CORO7: variants seen among roughly 807,000 people sequenced by gnomAD.
The protein encoded by CORO7 is coronin-7.
A neutral mutation model predicts 126.6 loss-of-function variants in CORO7; 107 were observed. The observed-to-expected ratio is 0.85, with a 90% CI of 0.72 to 0.99. The LOEUF is 0.99. CORO7 is among the 50% of genes least tolerant of loss of function. The pLI, the probability that CORO7 is intolerant of heterozygous loss-of-function variation, is 0.00. For synonymous variants in CORO7, 603 were observed against 536.8 expected (o/e 1.12, Z -1.70); for missense variants, 1,314 against 1,255.8 (o/e 1.05, Z -0.70).
At chr16:4,388,193 G>A (rs2055263496) in intron 8 of CORO7, 125 bp from the exon 9 acceptor site, 1 of 1,262,508 alleles carries the variant, frequency 7.9e-7, no homozygotes, top group Non-Finnish European at 1.1e-6. Context: ...AGCAGGGCTT[G>A]GAGTGGGGGT....
intron 23 of CORO7, chr16:4,358,740 G>A: frequency 2.4e-6 from 1 of 412,322 alleles, no homozygotes. Flanking sequence ...CCTGAATGTG[G>A]TGTTGGGAAG....
At chr16:4,365,572 G>A in intron 9 of CORO7, 27 bp from the exon 10 acceptor site, 1 of 1,564,996 alleles carries the variant, frequency 6.4e-7, no homozygotes, top group South Asian at 1.2e-5. Flanking sequence ...AAGATGGCGG[G>A]TCAGGGCAGT....
At position 4,357,232 on chromosome 16, in the gene CORO7, G is replaced by A. The variant is rs1303112289; in HGVS notation, c.2621C>T (p.Ala874Val). The A allele has an allele frequency of 1.2e-6, 2 of 1,613,782 alleles. No individual in the cohort carries two copies. The highest frequency in any genetic ancestry group is 1.7e-6 in the Non-Finnish European group (2 of 1,179,934). The change falls in exon 26 of 28, where the codon GCT becomes GTT. Residue 874 changes from alanine (A) to valine (V), a missense_variant. Ala to Val is a moderately conservative substitution (Grantham distance 64). Transcript: ENST00000251166. ...PVSQAPREAP[A>V]RRAPSSAQYL... The stretch of plus-strand genomic sequence containing the variant: ...CTGCGCTGAGGATGGGGCCCGACGA[G>A]CAGGGGCCTCTCGGGGGGCTTGGCT...
intron 14 of CORO7, among the ~76,000 whole-genome samples, chr16:4,364,017 C>T (rs1406622181): frequency 6.6e-6 from 1 of 151,864 alleles, no homozygotes; most frequent in Non-Finnish European, 1.5e-5. Context: ...GAAACTCTGT[C>T]TCAAAAAATA....
In CORO7 at chr16:4,362,132, C is replaced by T; in HGVS notation, c.1431G>A (p.Gln477=). 1 of 1,609,396 alleles carries T rather than the reference C, an allele frequency of 6.2e-7. No individual in the cohort carries two copies. Among genetic ancestry groups the T allele is most frequent in the South Asian group, 1.1e-5 (1 of 90,902 alleles). The part of the protein sequence containing the change: ...LGPSSKFRHA[Q]GTVLHRDSHI... ...GGCTGTCTCGGTGCAGGACAGTGCC[C>T]TGAGCATGGCGGAACTTGGAACTGG... The change falls in exon 16 of 28, where the codon CAG becomes CAA. Residue 477 remains glutamine, a synonymous_variant. Transcript: ENST00000251166. This position sits in a 1 kb window ranked among gnomAD's most constrained non-coding sequence, Gnocchi z 5.3.
intron 6 of CORO7, among the ~76,000 whole-genome samples, chr16:4,402,620 C>T (rs1567297474): frequency 1.3e-5 from 2 of 152,146 alleles, no homozygotes; most frequent in Admixed American, 6.5e-5. Context: ...GGGCTAAGGG[C>T]GGAACTCACA....
chr16:4,357,762 T>C lies in CORO7; in HGVS notation c.2593+206A>G, dbSNP rs2054025720. On this transcript the variant is annotated intron_variant, in intron 25 of 27. Coordinates refer to ENST00000251166, the MANE Select transcript of CORO7 (RefSeq NM_024535.5). The stretch of plus-strand genomic sequence containing the variant: ...ACACCACAGTGTGTGCGTGTGTGTG[T>C]GTGTTAGGGGTGGGGACCTGTGATG... The C allele has an allele frequency of 3.1e-5, 25 of 794,468 alleles. No homozygotes were observed. The South Asian group carries it at 4.4e-4, about 14-fold the overall frequency. 49.2% of individuals were successfully genotyped at this position (794,468 alleles called of 1,614,324 possible). A position where few individuals can be genotyped will look rare whatever the true frequency, so the allele number is the denominator to read the frequency against.
chr16:4,389,106 G>T (rs1290960002), intron 7 of CORO7, among the ~76,000 whole-genome samples: 1 of 152,216 alleles, frequency 6.6e-6, no homozygotes, highest in Non-Finnish European at 1.5e-5. Context: ...GAAGGGCAGG[G>T]CTTGTGGCAA....
chr16:4,405,921 G>A (rs2055982092), intron 5 of CORO7, among the ~76,000 whole-genome samples: 1 of 152,204 alleles, frequency 6.6e-6, no homozygotes, highest in African/African-American at 2.4e-5. Flanking sequence ...CCTCGCTAGT[G>A]TGAGGTCTTA....
intron 7 of CORO7, 39 bp from the exon 8 acceptor site, chr16:4,388,670 C>T: frequency 6.3e-7 from 1 of 1,588,724 alleles, no homozygotes; most frequent in Non-Finnish European, 8.6e-7. Flanking sequence ...CCCCAGGGCC[C>T]TGCTGGTGGG....
At chr16:4,408,116 G>C in intron 4 of CORO7, 65 bp downstream of exon 4, 1 of 1,611,170 alleles carries the variant, frequency 6.2e-7, no homozygotes, top group South Asian at 1.1e-5. Context: ...GATGGCGCTG[G>C]GGCTCAGAAG....
intron 14 of CORO7, 134 bp downstream of exon 14, chr16:4,364,142 C>A: frequency 8.1e-7 from 1 of 1,230,780 alleles, no homozygotes; most frequent in South Asian, 2.6e-5. Flanking sequence ...GCCGAGGTTG[C>A]GCCACTGCAC....
At position 4,403,941 on chromosome 16, in the gene CORO7, G is replaced by A. The variant is rs75009219; in HGVS notation, c.564+1550C>T. ...TCGAGCTCACTCTGCCTGGGAAGCC[G>A]TCCCCAGCAGGGTTAGGTCAAAGCA... On this transcript the variant is annotated intron_variant, in intron 6 of 27. Coordinates refer to ENST00000251166, the MANE Select transcript of CORO7 (RefSeq NM_024535.5). 8.7e-3 allele frequency among the ~76,000 whole-genome samples: 1,331 copies of A among 152,216 alleles called. 110 individuals are homozygous for A. The East Asian group carries it at 0.19, about 22-fold the overall frequency.
At chr16:4,401,006 A>T in intron 6 of CORO7, among the ~76,000 whole-genome samples, 1 of 152,160 alleles carries the variant, frequency 6.6e-6, no homozygotes, top group East Asian at 1.9e-4. Flanking sequence ...CAACCCAAAA[A>T]GAAATGCAGG....
At chr16:4,357,655 C>T (rs1327883364) in intron 25 of CORO7, 3 of 394,246 alleles carry the variant, frequency 7.6e-6, no homozygotes, top group East Asian at 4.9e-5. Context: ...CGCGCCTGGC[C>T]GACCTAGGGG....
intron 9 of CORO7, among the ~76,000 whole-genome samples, chr16:4,369,078 C>T (rs958318234): frequency 6.6e-6 from 1 of 152,380 alleles, no homozygotes; most frequent in East Asian, 1.9e-4. Flanking sequence ...CCCGTTCCAT[C>T]GTCCCAGCCA....
chr16:4,368,063 T>G (rs953916856), intron 9 of CORO7, among the ~76,000 whole-genome samples: 4 of 151,864 alleles, frequency 2.6e-5, no homozygotes, highest in Non-Finnish European at 5.9e-5. Context: ...AATTAAAAAA[T>G]TAGCGAGGTA....
chr16:4,360,294 C>G lies in CORO7; in HGVS notation c.2092G>C (p.Val698Leu). Reference protein sequence around the residue: ...VWVCDGRCLLVSGFDSQSERQ... With the variant: ...VWVCDGRCLLLSGFDSQSERQ... ...AGTCCTCACCTGTCAAAGCCAGACA[C>G]CAGCAGACAGCGACCATCACATACC... The change falls in exon 21 of 28, where the codon GTG becomes CTG. Residue 698 changes from valine (V) to leucine (L), a missense_variant. Coordinates refer to ENST00000251166, the MANE Select transcript of CORO7 (RefSeq NM_024535.5). The G allele has an allele frequency of 6.2e-7, 1 of 1,613,634 alleles. No homozygotes were observed. Among genetic ancestry groups the G allele is most frequent in the Non-Finnish European group, 8.5e-7 (1 of 1,179,994 alleles).
chr16:4,412,790 C>T (rs2056263155), intron 2 of CORO7: 3 of 319,710 alleles, frequency 9.4e-6, no homozygotes, highest in Non-Finnish European at 1.7e-5. Flanking sequence ...AGCTGAGAGA[C>T]CCAGAGAGGT....
Sources: gnomAD v4.1 joint callset for allele counts (sites outside exome capture counted in the v4.1 genomes callset) on GRCh38, gnomAD v4.1.1 for gene constraint, Gnocchi (gnomAD v3.1) non-coding constraint, MANE v1.5 for transcripts, NCBI Gene and HGNC (gene_info 2026-07-23, HGNC 2026-07-21) for gene names.